Variants in FBXL7 observed in about 807,000 individuals in gnomAD.
FBXL7 encodes F-box/LRR-repeat protein 7.
A neutral mutation model predicts 38.3 loss-of-function variants in FBXL7; 12 were observed. The ratio of observed to expected loss-of-function variants is 0.31; its 90% CI spans 0.20 to 0.51. The LOEUF is 0.51. FBXL7 is among the 20% of genes least tolerant of loss of function. The pLI, the probability that FBXL7 is intolerant of heterozygous loss-of-function variation, is 0.98. For synonymous variants in FBXL7, 297 were observed against 300.9 expected, an observed-to-expected ratio of 0.99 and a Z score of 0.13; for missense variants, 567 against 676.4, an observed-to-expected ratio of 0.84 and a Z score of 1.79.
intron 1 of FBXL7, chr5:15,580,642 G>A: frequency 1.0e-6 from 1 of 985,400 alleles, no homozygotes; most frequent in Non-Finnish European, 1.2e-6. Context: ...TGCTTGCCTG[G>A]GAGAAAATAT....
Position 15,891,061 on chromosome 5 carries a change from G to T in FBXL7, c.128-36829G>T, listed in dbSNP as rs188842550. ...CTCTGCATAATTTATCTTTTTTGTG[G>T]TATTGTTGGTGCCATAACCTATTAC... On this transcript the variant is annotated intron_variant, in intron 2 of 3. Transcript: ENST00000504595. 1.4e-3 allele frequency among the ~76,000 whole-genome samples: 209 copies of T among 152,152 alleles called. 1 individual carries two copies. The highest frequency in any genetic ancestry group is 5.4e-3 in the Admixed American group (83 of 15,270).
chr5:15,773,323 G>C (rs1357877493), intron 2 of FBXL7, among the ~76,000 whole-genome samples: 2 of 152,010 alleles, frequency 1.3e-5, no homozygotes, highest in African/African-American at 4.8e-5. Flanking sequence ...TTACTGAGTT[G>C]GGCCTCACTT....
intron 2 of FBXL7, among the ~76,000 whole-genome samples, chr5:15,679,862 A>G (rs1302353806): frequency 6.6e-6 from 1 of 152,172 alleles, no homozygotes; most frequent in African/African-American, 2.4e-5. Context: ...AAAATGAGAT[A>G]ATGATAACAC....
chr5:15,757,608 A>G lies in FBXL7; in HGVS notation c.127+141536A>G, dbSNP rs138175541. Among the ~76,000 whole-genome samples the G allele has an allele frequency of 4.7e-3, 710 of 152,036 alleles. 4 individuals are homozygous for G. Among genetic ancestry groups the G allele is most frequent in the African/African-American group, 0.016 (677 of 41,466 alleles). On this transcript the variant is annotated intron_variant, in intron 2 of 3. Coordinates refer to ENST00000504595, the MANE Select transcript of FBXL7 (RefSeq NM_012304.5). Reference sequence around the variant, plus strand: ...TGTGATAGAGCTAGAGGTGATGCACAGAAGAATCTCAGATTTTCTCTGCCT... The same window carrying G: ...TGTGATAGAGCTAGAGGTGATGCACGGAAGAATCTCAGATTTTCTCTGCCT...
chr5:15,791,701 A>G (rs1737280735), intron 2 of FBXL7, among the ~76,000 whole-genome samples: 1 of 152,084 alleles, frequency 6.6e-6, no homozygotes, highest in Non-Finnish European at 1.5e-5. Context: ...CTGTCTGGGG[A>G]GAAGACTTTG....
At chr5:15,503,974 G>T (rs1736572740) in intron 1 of FBXL7, among the ~76,000 whole-genome samples, 1 of 152,192 alleles carries the variant, frequency 6.6e-6, no homozygotes, top group Non-Finnish European at 1.5e-5. Context: ...TATTCACGAG[G>T]CTTACCTTAG....
At chr5:15,664,069 G>A (rs534160390) in intron 2 of FBXL7, among the ~76,000 whole-genome samples, 11 of 152,018 alleles carry the variant, frequency 7.2e-5, no homozygotes, top group Non-Finnish European at 1.6e-4. Context: ...TTATTTTGCT[G>A]TTGTTTTTAT....
chr5:15,684,449 A>T (rs768380724), intron 2 of FBXL7, among the ~76,000 whole-genome samples: 2 of 152,214 alleles, frequency 1.3e-5, no homozygotes, highest in Non-Finnish European at 2.9e-5. Flanking sequence ...TAGGAAAATG[A>T]ATCAGCAGTG....
At chr5:15,750,492 CTA>C (rs1736128037) in intron 2 of FBXL7, among the ~76,000 whole-genome samples, 1 of 152,182 alleles carries the variant, frequency 6.6e-6, no homozygotes, top group Non-Finnish European at 1.5e-5. Context: ...ATGTTACCCC[CTA>C]TAGGACTAGC....
At chr5:15,612,381 T>C (rs1299419326) in intron 1 of FBXL7, among the ~76,000 whole-genome samples, 1 of 152,204 alleles carries the variant, frequency 6.6e-6, no homozygotes, top group Non-Finnish European at 1.5e-5. Context: ...TTAGCTATTA[T>C]TATAAATAAC....
At chr5:15,805,646 T>C (rs1737690998) in intron 2 of FBXL7, among the ~76,000 whole-genome samples, 2 of 152,120 alleles carry the variant, frequency 1.3e-5, no homozygotes, top group Admixed American at 1.3e-4. Context: ...CCAAAGGCCT[T>C]ATTCAACCCC....
intron 2 of FBXL7, among the ~76,000 whole-genome samples, chr5:15,742,556 TGCTGTAGGTGAC>T (rs1168803374): frequency 2.6e-5 from 4 of 152,210 alleles, no homozygotes; most frequent in African/African-American, 9.7e-5. Flanking sequence ...TGTCTAGAAT[TGCTGTAGGTGAC>T]CTATGCTGAT....
chr5:15,880,338 C>T (rs964236269), intron 2 of FBXL7, among the ~76,000 whole-genome samples: 2 of 152,214 alleles, frequency 1.3e-5, no homozygotes, highest in Non-Finnish European at 2.9e-5. Flanking sequence ...AGCACTAGCC[C>T]TCAGAGCTGA....
At chr5:15,564,759 T>C (rs1251503550) in intron 1 of FBXL7, among the ~76,000 whole-genome samples, 2 of 152,086 alleles carry the variant, frequency 1.3e-5, no homozygotes, top group Non-Finnish European at 2.9e-5. Context: ...GAAATCCATT[T>C]AGCCAGAGTT....
chr5:15,771,038 A>T (rs564785501), intron 2 of FBXL7, among the ~76,000 whole-genome samples: 1 of 152,142 alleles, frequency 6.6e-6, no homozygotes, highest in Admixed American at 6.5e-5. Flanking sequence ...TGCTCATCCC[A>T]TCCTCCTGTT....
At chr5:15,886,099 A>G (rs1740665154) in intron 2 of FBXL7, among the ~76,000 whole-genome samples, 1 of 152,148 alleles carries the variant, frequency 6.6e-6, no homozygotes, top group Non-Finnish European at 1.5e-5. Context: ...AGAGGAAGAG[A>G]GAAGGAAATC....
chr5:15,793,451 A>C (rs1464633864), intron 2 of FBXL7, among the ~76,000 whole-genome samples: 51 of 152,204 alleles, frequency 3.4e-4, no homozygotes, highest in Admixed American at 3.1e-3. Context: ...TCTTATAAGG[A>C]TACTTATTAT....
chr5:15,712,838 C>G (rs989395315), intron 2 of FBXL7, among the ~76,000 whole-genome samples: 2 of 152,128 alleles, frequency 1.3e-5, no homozygotes, highest in African/African-American at 2.4e-5. Context: ...TCCTCTTCTC[C>G]TCTAAAACTT....
chr5:15,765,284 T>C (rs944885511), intron 2 of FBXL7, among the ~76,000 whole-genome samples: 1 of 152,158 alleles, frequency 6.6e-6, no homozygotes, highest in African/African-American at 2.4e-5. Context: ...CGTACATGAG[T>C]GAACATGGAT....
Sources: gnomAD v4.1 joint callset for allele counts (sites outside exome capture counted in the v4.1 genomes callset) on GRCh38, gnomAD v4.1.1 for gene constraint, MANE v1.5 for transcripts, NCBI Gene and HGNC (gene_info 2026-07-23, HGNC 2026-07-21) for gene names.